WDR64: variants seen among roughly 807,000 people sequenced by gnomAD.
WDR64 encodes WD repeat-containing protein 64.
A neutral mutation model predicts 139.3 loss-of-function variants in WDR64; 112 were observed. The ratio of observed to expected loss-of-function variants is 0.80; its 90% CI spans 0.69 to 0.94. The LOEUF (loss-of-function observed/expected upper bound fraction) is 0.94, where lower values mean the gene tolerates loss of function less well. WDR64 is among the 40% of genes least tolerant of loss of function. The probability of loss-of-function intolerance (pLI) is 0.00; values close to 1 mark genes in which losing one functional copy is unlikely to be tolerated. For missense variants in WDR64, 1,206 were observed against 1,293.1 expected (o/e 0.93, Z 1.03); for synonymous variants, 444 against 437.7 (o/e 1.01, Z -0.18).
chr1:241,736,540 C>T (rs541209434), intron 10 of WDR64, among the ~76,000 whole-genome samples: 16 of 151,758 alleles, frequency 1.1e-4, no homozygotes, highest in Admixed American at 9.8e-4. Flanking sequence ...TTTGGAAATG[C>T]AAAACACTTC....
chr1:241,762,826 A>C (rs1356004566), intron 15 of WDR64, among the ~76,000 whole-genome samples: 1 of 152,104 alleles, frequency 6.6e-6, no homozygotes, highest in Non-Finnish European at 1.5e-5. Flanking sequence ...ATTTGGAAAC[A>C]ATTATTTTGT....
intron 6 of WDR64, 118 bp downstream of exon 6, chr1:241,679,713 TTAAG>T: frequency 1.2e-6 from 1 of 801,712 alleles, no homozygotes; most frequent in South Asian, 1.8e-5. Flanking sequence ...ATGAGAGGAT[TTAAG>T]TAAGTAATCT....
intron 9 of WDR64, among the ~76,000 whole-genome samples, chr1:241,718,460 T>C (rs752456133): frequency 1.3e-5 from 2 of 151,862 alleles, no homozygotes; most frequent in Non-Finnish European, 2.9e-5. Context: ...ATCCTTCACA[T>C]CTTGCAAAAT....
chr1:241,795,376 G>A (rs923150776), intron 26 of WDR64, 89 bp downstream of exon 26: 3 of 1,215,854 alleles, frequency 2.5e-6, no homozygotes, highest in Admixed American at 2.2e-5. Flanking sequence ...AAGCAAGGTT[G>A]GAGAAAATCA....
At chr1:241,791,290 A>C (rs1558526917) in intron 25 of WDR64, among the ~76,000 whole-genome samples, 1 of 152,148 alleles carries the variant, frequency 6.6e-6, no homozygotes, top group African/African-American at 2.4e-5. Context: ...CCTCTCAAAA[A>C]AAACAAACAA....
At chr1:241,757,549 G>T in intron 15 of WDR64, 90 bp downstream of exon 15, 1 of 1,225,374 alleles carries the variant, frequency 8.2e-7, no homozygotes, top group Non-Finnish European at 1.1e-6. Context: ...ATAATACAAA[G>T]AGCTTCTATG....
chr1:241,671,218 A>G (rs1666214514), intron 3 of WDR64, 42 bp downstream of exon 3: 1 of 1,298,070 alleles, frequency 7.7e-7, no homozygotes, highest in South Asian at 1.3e-5. Context: ...ATGAGTTTTA[A>G]TATTTTCCTC....
At chr1:241,657,446 C>T (rs1402066739) in intron 1 of WDR64, among the ~76,000 whole-genome samples, 1 of 152,178 alleles carries the variant, frequency 6.6e-6, no homozygotes, top group African/African-American at 2.4e-5. Flanking sequence ...CTCCTTCGCC[C>T]CTGGTCTCAC....
At chr1:241,748,893 TC>T (rs1011574852) in intron 13 of WDR64, among the ~76,000 whole-genome samples, 1 of 146,726 alleles carries the variant, frequency 6.8e-6, no homozygotes, top group African/African-American at 2.5e-5. Context: ...TGAGCCGAGA[TC>T]GCCACTGCAC....
chr1:241,729,276 A>G (rs1057504819), intron 10 of WDR64, among the ~76,000 whole-genome samples: 3 of 152,178 alleles, frequency 2.0e-5, no homozygotes, highest in Non-Finnish European at 2.9e-5. Context: ...TCCCAGTTGC[A>G]GGTGGCCCAT....
At chr1:241,728,661 T>A (rs114827383) in intron 10 of WDR64, among the ~76,000 whole-genome samples, 2,155 of 152,284 alleles carry the variant, frequency 0.014, 28 homozygotes, top group Middle Eastern at 0.058. Flanking sequence ...TGAACAGATG[T>A]GCCACATCTA....
intron 17 of WDR64, among the ~76,000 whole-genome samples, chr1:241,769,797 G>A (rs1329570212): frequency 6.6e-6 from 1 of 152,128 alleles, no homozygotes. Context: ...ACATAGCAGA[G>A]ATGGAAAATG....
chr1:241,766,161 T>C (rs531725359), intron 15 of WDR64, 57 bp from the exon 16 acceptor site: 480 of 1,568,962 alleles, frequency 3.1e-4, no homozygotes, highest in Non-Finnish European at 3.9e-4. Context: ...CACATGGCGT[T>C]TGCACCGCGA....
chr1:241,756,699 A>T (rs1670204436), intron 14 of WDR64, among the ~76,000 whole-genome samples: 1 of 152,188 alleles, frequency 6.6e-6, no homozygotes, highest in Admixed American at 6.5e-5. Context: ...TGGTTTGGTG[A>T]TAGCTAGAAA....
chr1:241,749,399 C>T (rs1417634910), intron 13 of WDR64, 148 bp from the exon 14 acceptor site: 1 of 837,630 alleles, frequency 1.2e-6, no homozygotes, highest in African/African-American at 1.7e-5. Context: ...CACAGCAAGC[C>T]TGGGAAGACT....
chr1:241,684,612 G>A (rs1463385724), intron 7 of WDR64, among the ~76,000 whole-genome samples: 1 of 152,218 alleles, frequency 6.6e-6, no homozygotes, highest in Non-Finnish European at 1.5e-5. Flanking sequence ...TCTCACATTA[G>A]TTGGTGGTAA....
At position 241,796,629 on chromosome 1, in the gene WDR64, A is replaced by T. The variant is rs543474631; in HGVS notation, c.3192+259A>T. Among the ~76,000 whole-genome samples, 4 of 152,114 alleles carry T rather than the reference A, an allele frequency of 2.6e-5. No homozygotes were observed. The South Asian group carries it at 8.3e-4, about 32-fold the overall frequency. On this transcript the variant is annotated intron_variant, in intron 27 of 27. Transcript: ENST00000437684. ...TGCCTCAGCCTCCTAAGTAGCTGGG[A>T]TTACAGGCATGCGCCACTGTGTCCA...
At chr1:241,679,975 G>A (rs759515476) in intron 6 of WDR64, among the ~76,000 whole-genome samples, 3 of 152,004 alleles carry the variant, frequency 2.0e-5, no homozygotes, top group South Asian at 2.1e-4. Context: ...GTCTAAGTCC[G>A]GCAAAAACAT....
Position 241,801,404 on chromosome 1 carries a change from G to A in WDR64, c.*189G>A, listed in dbSNP as rs1414483973. ...CTTAACTCTGAATACCAAGCAAGCA[G>A]CAAGCAGCCAGAAGTTTAGGCGGTG... On this transcript the variant is annotated 3_prime_UTR_variant, in exon 28 of 28. Transcript: ENST00000437684. 4.0e-6 allele frequency: 2 copies of A among 497,436 alleles called. No homozygotes were observed. Among genetic ancestry groups the A allele is most frequent in the Middle Eastern group, 2.9e-4 (1 of 3,426 alleles). The allele number at this position is 497,436 out of a possible 1,614,324, so 30.8% of individuals were successfully genotyped here. A position where few individuals can be genotyped will look rare whatever the true frequency, so the allele number is the denominator to read the frequency against.
Sources: allele counts gnomAD v4.1 joint callset (sites outside exome capture counted in the v4.1 genomes callset), GRCh38; gene constraint gnomAD v4.1.1; transcripts MANE v1.5; gene names NCBI Gene and HGNC (gene_info 2026-07-23, HGNC 2026-07-21).